The following BICC1 variants were observed in gnomAD, a reference collection of about 807,000 sequenced individuals.
BICC1 encodes the protein protein bicaudal C homolog 1.
Under a neutral mutation model 111.0 loss-of-function variants are expected in BICC1, and 43 were observed. The observed-to-expected ratio is 0.39, with a 90% CI of 0.30 to 0.50. The LOEUF (loss-of-function observed/expected upper bound fraction) is 0.50. Among genes scored for constraint, BICC1 ranks in the 20% least tolerant of loss-of-function variants. The pLI is 0.88. For missense variants in BICC1, 1,091 were observed against 1,203.2 expected (o/e 0.91, Z 1.38); for synonymous variants, 467 against 434.4 (o/e 1.07, Z -0.93).
intron 1 of BICC1, among the ~76,000 whole-genome samples, chr10:58,514,378 G>A (rs1842184792): frequency 6.6e-6 from 1 of 152,198 alleles, no homozygotes; most frequent in African/African-American, 2.4e-5. Context: ...GGAGTTTGGA[G>A]TTTTTCAAAC....
At chr10:58,726,823 C>T (rs1249992140) in intron 3 of BICC1, among the ~76,000 whole-genome samples, 1 of 152,146 alleles carries the variant, frequency 6.6e-6, no homozygotes, top group Non-Finnish European at 1.5e-5. Context: ...AGGTTGAATA[C>T]ACAGTTGATG....
intron 2 of BICC1, among the ~76,000 whole-genome samples, chr10:58,695,486 A>G (rs1026913163): frequency 6.6e-6 from 1 of 152,206 alleles, no homozygotes; most frequent in Admixed American, 6.5e-5. Context: ...GCCATTTTGA[A>G]TGATGAATTT....
At chr10:58,754,912 T>C (rs1435240025) in intron 3 of BICC1, among the ~76,000 whole-genome samples, 1 of 152,116 alleles carries the variant, frequency 6.6e-6, no homozygotes, top group East Asian at 1.9e-4. Context: ...GTCCTTAGCT[T>C]TATAGATCAA....
At chr10:58,626,675 C>T (rs571979788) in intron 2 of BICC1, among the ~76,000 whole-genome samples, 2 of 152,288 alleles carry the variant, frequency 1.3e-5, no homozygotes, top group African/African-American at 4.8e-5. Context: ...TCACCTGCTT[C>T]GAGTTGCATT....
intron 1 of BICC1, among the ~76,000 whole-genome samples, chr10:58,567,312 A>G (rs1843798533): frequency 6.6e-6 from 1 of 152,136 alleles, no homozygotes; most frequent in African/African-American, 2.4e-5. Flanking sequence ...AGCCTCTCCC[A>G]TAAGCTCTCA....
chr10:58,757,977 C>G (rs966426101), intron 3 of BICC1, among the ~76,000 whole-genome samples: 2 of 152,144 alleles, frequency 1.3e-5, no homozygotes, highest in Non-Finnish European at 2.9e-5. Flanking sequence ...AGGAAGCAAC[C>G]TTAGCAGTGG....
chr10:58,677,069 G>C (rs1387803456), intron 2 of BICC1, among the ~76,000 whole-genome samples: 1 of 152,148 alleles, frequency 6.6e-6, no homozygotes, highest in African/African-American at 2.4e-5. Context: ...AAGACCAAAG[G>C]TAGATAAATC....
intron 3 of BICC1, among the ~76,000 whole-genome samples, chr10:58,704,910 C>G (rs1198700068): frequency 6.6e-6 from 1 of 152,190 alleles, no homozygotes; most frequent in African/African-American, 2.4e-5. Flanking sequence ...CAGTTTGCCC[C>G]CTTCTTTACC....
At chr10:58,794,209 G>A (rs1400405967) in intron 9 of BICC1, among the ~76,000 whole-genome samples, 1 of 143,588 alleles carries the variant, frequency 7.0e-6, no homozygotes, top group Non-Finnish European at 1.5e-5. Flanking sequence ...GTGTGTGTGT[G>A]TACATGCCCA....
At chr10:58,826,799 G>C (rs938170020) in intron 20 of BICC1, among the ~76,000 whole-genome samples, 1 of 152,136 alleles carries the variant, frequency 6.6e-6, no homozygotes, top group Non-Finnish European at 1.5e-5. Context: ...CCGAATTTCA[G>C]ACAGGAAGGG....
intron 1 of BICC1, among the ~76,000 whole-genome samples, chr10:58,576,431 C>T (rs1046752007): frequency 2.0e-5 from 3 of 152,148 alleles, no homozygotes; most frequent in Non-Finnish European, 4.4e-5. Flanking sequence ...ATTTCTGTAT[C>T]ATTCTGTATT....
At chr10:58,715,507 C>G in intron 3 of BICC1, 1 of 1,131,792 alleles carries the variant, frequency 8.8e-7, no homozygotes, top group South Asian at 1.2e-5. Context: ...GGCCATCTCT[C>G]TGGCCTGGTT....
intron 2 of BICC1, among the ~76,000 whole-genome samples, chr10:58,686,873 A>G (rs967965779): frequency 1.4e-4 from 21 of 151,984 alleles, no homozygotes; most frequent in African/African-American, 4.8e-4. Flanking sequence ...TCTTCTTTCA[A>G]CTCGTCAAAG....
chr10:58,685,283 C>T (rs920373884), intron 2 of BICC1, among the ~76,000 whole-genome samples: 2 of 152,178 alleles, frequency 1.3e-5, no homozygotes, highest in African/African-American at 2.4e-5. Flanking sequence ...GAGTGCTTTA[C>T]TTCCAACTGT....
At chr10:58,725,426 C>T (rs1589066752) in intron 3 of BICC1, among the ~76,000 whole-genome samples, 1 of 152,124 alleles carries the variant, frequency 6.6e-6, no homozygotes, top group South Asian at 2.1e-4. Flanking sequence ...TGACTGTGGT[C>T]CTCATTGTGC....
At chr10:58,665,858 A>G (rs1487365873) in intron 2 of BICC1, among the ~76,000 whole-genome samples, 1 of 152,138 alleles carries the variant, frequency 6.6e-6, no homozygotes, top group East Asian at 1.9e-4. Context: ...TCTCTAATGA[A>G]TTTTATAACC....
upstream of BICC1, among the ~76,000 whole-genome samples, chr10:58,512,567 G>C (rs1169683475): frequency 6.6e-6 from 1 of 152,128 alleles, no homozygotes; most frequent in Non-Finnish European, 1.5e-5. Context: ...CAGAAAAGTA[G>C]TAGTGTGTGT....
chr10:58,777,848 C>T (rs938416675), intron 3 of BICC1, among the ~76,000 whole-genome samples: 6 of 152,018 alleles, frequency 3.9e-5, no homozygotes, highest in Non-Finnish European at 7.4e-5. Context: ...ATTTAAAATA[C>T]ATTTGTTTTT....
chr10:58,768,467 C>T (rs1007327173), intron 3 of BICC1, among the ~76,000 whole-genome samples: 11 of 152,134 alleles, frequency 7.2e-5, no homozygotes, highest in Non-Finnish European at 1.5e-4. Context: ...CGAAATTGTT[C>T]AAGCTGAAAT....
Sources: gnomAD v4.1 joint callset for allele counts (sites outside exome capture counted in the v4.1 genomes callset) on GRCh38, gnomAD v4.1.1 for gene constraint, MANE v1.5 for transcripts, NCBI Gene and HGNC (gene_info 2026-07-23, HGNC 2026-07-21) for gene names.